Variants in BANP observed in about 807,000 individuals in gnomAD.
BANP encodes BTG3 associated nuclear protein, also known as protein BANP.
BANP carries 11 observed loss-of-function variants against 68.1 expected under a neutral mutation model. The observed-to-expected ratio is 0.16, with a 90% CI of 0.10 to 0.27. The LOEUF is 0.27. BANP is among the 10% of genes least tolerant of loss of function. The probability of loss-of-function intolerance (pLI) is 1.00; values close to 1 mark genes in which losing one functional copy is unlikely to be tolerated. For synonymous variants in BANP, 329 were observed against 303.2 expected, an observed-to-expected ratio of 1.09 and a Z score of -0.88; for missense variants, 504 against 722.7, an observed-to-expected ratio of 0.70 and a Z score of 3.47.
At position 88,072,210 on chromosome 16, in the gene BANP, C is replaced by A; in HGVS notation, c.1519C>A (p.Gln507Lys). Reference sequence around the variant, plus strand: ...AGTGAGTGACCACACGGCCGGGGCACAGGTGAGTCTGGGGCCCCGCGCCGG... The same window carrying A: ...AGTGAGTGACCACACGGCCGGGGCAAAGGTGAGTCTGGGGCCCCGCGCCGG... ...APVSDHTAGA[Q>K]TAEALQPTLQ... Residue 507 changes from glutamine to lysine, a missense_variant and splice_region_variant, in exon 13 of 14, where the codon CAG becomes AAG. Coordinates refer to ENST00000682872, the MANE Select transcript of BANP (RefSeq NM_001386991.1). The A allele has an allele frequency of 6.2e-7, 1 of 1,609,208 alleles. No homozygotes were observed.
intron 1 of BANP, among the ~76,000 whole-genome samples, chr16:87,973,784 A>AAAAAGAC (rs2061560940): frequency 1.3e-5 from 2 of 150,968 alleles, no homozygotes; most frequent in Non-Finnish European, 1.5e-5. Flanking sequence ...AGAAAAAAGA[A>AAAAAGAC]AAAAATTCTA....
intron 6 of BANP, among the ~76,000 whole-genome samples, chr16:88,011,373 C>T (rs1320532271): frequency 3.9e-5 from 6 of 152,108 alleles, no homozygotes; most frequent in Admixed American, 1.3e-4. Context: ...GTGCTAGAGG[C>T]GCTCAGCTCT....
intron 12 of BANP, among the ~76,000 whole-genome samples, chr16:88,069,305 TC>T (rs1233013151): frequency 6.6e-6 from 1 of 152,248 alleles, no homozygotes; most frequent in African/African-American, 2.4e-5. Flanking sequence ...CCTGCCTTTT[TC>T]TTTTTTCTTT....
Position 88,076,807 on chromosome 16 carries a change from G to A in BANP, c.*146G>A, listed in dbSNP as rs1198442364. 1 of 664,156 alleles carries A rather than the reference G, an allele frequency of 1.5e-6. No individual in the cohort carries two copies. Among genetic ancestry groups the A allele is most frequent in the Non-Finnish European group, 2.5e-6 (1 of 402,596 alleles). 41.1% of individuals were successfully genotyped at this position (664,156 alleles called of 1,614,324 possible). ...AAGGCCGCTGCCTCCGCGGGGAACA[G>A]CATCCTATCAACTGAAAGAGCAGCC... On this transcript the variant is annotated 3_prime_UTR_variant, in exon 14 of 14. Transcript: ENST00000682872.
chr16:88,073,632 G>C (rs2090934778), intron 13 of BANP, among the ~76,000 whole-genome samples: 1 of 152,240 alleles, frequency 6.6e-6, no homozygotes. Context: ...TGTCCGTGAA[G>C]AACAGTCAGG....
At chr16:87,979,701 A>AT (rs570080998) in intron 2 of BANP, among the ~76,000 whole-genome samples, 45 of 152,144 alleles carry the variant, frequency 3.0e-4, no homozygotes, top group African/African-American at 9.9e-4. Flanking sequence ...CAGATTTCTG[A>AT]TTTTTTTCTA....
chr16:88,068,244 C>T (rs2089315841), intron 12 of BANP, among the ~76,000 whole-genome samples: 2 of 152,238 alleles, frequency 1.3e-5, no homozygotes, highest in African/African-American at 4.8e-5. Context: ...TGCTCCTCTG[C>T]TGCTCGCCCC....
intron 1 of BANP, chr16:87,963,531 C>G (rs921609442): frequency 6.6e-6 from 1 of 152,236 alleles, no homozygotes; most frequent in Admixed American, 6.5e-5. Context: ...GGAGGTGACA[C>G]ATCTGGGCTA....
chr16:88,075,973 T>G (rs1293006393), intron 13 of BANP, among the ~76,000 whole-genome samples: 2 of 152,188 alleles, frequency 1.3e-5, no homozygotes, highest in African/African-American at 4.8e-5. Flanking sequence ...CTTGAACTCC[T>G]GACCTCAAGT....
intron 11 of BANP, among the ~76,000 whole-genome samples, chr16:88,042,627 T>G (rs1412765959): frequency 1.3e-5 from 2 of 152,180 alleles, no homozygotes; most frequent in Non-Finnish European, 2.9e-5. Context: ...AGCTGAATAT[T>G]TAAAAAAAAT....
chr16:88,024,892 A>C (rs996077442), intron 7 of BANP, among the ~76,000 whole-genome samples: 6 of 152,244 alleles, frequency 3.9e-5, no homozygotes, highest in Non-Finnish European at 8.8e-5. Context: ...TACAAAGTTG[A>C]ATTTAAATGT....
At chr16:87,992,905 A>G (rs2066255993) in intron 4 of BANP, among the ~76,000 whole-genome samples, 1 of 152,080 alleles carries the variant, frequency 6.6e-6, no homozygotes, top group Non-Finnish European at 1.5e-5. Context: ...ACTGTTCCTC[A>G]TGGTACCCAC....
At chr16:88,062,459 G>C (rs991178090) in intron 11 of BANP, among the ~76,000 whole-genome samples, 2 of 152,148 alleles carry the variant, frequency 1.3e-5, no homozygotes, top group South Asian at 2.1e-4. Context: ...ACCTTCTGCC[G>C]CTTTCTTTTA....
chr16:88,021,045 C>T (rs1157103391), intron 7 of BANP, among the ~76,000 whole-genome samples: 1 of 152,220 alleles, frequency 6.6e-6, no homozygotes, highest in Non-Finnish European at 1.5e-5. Context: ...ACCTTCTCTG[C>T]TGAGCTTCTC....
chr16:87,970,605 G>A (rs1158453208), intron 1 of BANP, among the ~76,000 whole-genome samples: 1 of 152,164 alleles, frequency 6.6e-6, no homozygotes, highest in African/African-American at 2.4e-5. Context: ...ATTAACTCAT[G>A]AATTTAAAAA....
intron 11 of BANP, among the ~76,000 whole-genome samples, chr16:88,042,153 C>T (rs544346594): frequency 6.6e-6 from 1 of 152,350 alleles, no homozygotes; most frequent in South Asian, 2.1e-4. Context: ...TCAGACGGAG[C>T]CCCCGGTGCT....
intron 11 of BANP, among the ~76,000 whole-genome samples, chr16:88,043,743 A>G (rs2081337365): frequency 6.6e-6 from 1 of 152,222 alleles, no homozygotes; most frequent in East Asian, 1.9e-4. Context: ...CCAGAGATTC[A>G]TAGAGGGAGA....
At chr16:88,031,204 T>C (rs1182951085) in intron 8 of BANP, among the ~76,000 whole-genome samples, 1 of 152,212 alleles carries the variant, frequency 6.6e-6, no homozygotes, top group African/African-American at 2.4e-5. Flanking sequence ...CTGGAGGTGC[T>C]CAGGTGGAGT....
chr16:88,071,282 G>T lies in BANP; in HGVS notation c.1378-787G>T. The T allele has an allele frequency of 2.8e-6, 1 of 363,628 alleles. No individual in the cohort carries two copies. The highest frequency in any genetic ancestry group is 3.7e-5 in the Admixed American group (1 of 27,378). The allele number at this position is 363,628 out of a possible 1,614,324, so 22.5% of individuals were successfully genotyped here. A position where few individuals can be genotyped will look rare whatever the true frequency, so the allele number is the denominator to read the frequency against. ...GTGGCTCATGTCAAGTGCCCTCAGG[G>T]CTGGGGCTGCCCACCCGCCTGCCTG... On this transcript the variant is annotated intron_variant, in intron 12 of 13. Transcript: ENST00000682872. The surrounding 1 kb of genome is among the most constrained non-coding windows in gnomAD (Gnocchi z 6.5).
Sources: allele counts gnomAD v4.1 joint callset (sites outside exome capture counted in the v4.1 genomes callset), GRCh38; gene constraint gnomAD v4.1.1; non-coding constraint Gnocchi (gnomAD v3.1); transcripts MANE v1.5; gene names NCBI Gene and HGNC (gene_info 2026-07-23, HGNC 2026-07-21).